The following RBFOX1 variants were observed in gnomAD, a reference collection of about 807,000 sequenced individuals.
The protein encoded by RBFOX1 is RNA binding protein fox-1 homolog 1.
RBFOX1 carries 8 observed loss-of-function variants against 57.7 expected under a neutral mutation model. The ratio of observed to expected loss-of-function variants is 0.14; its 90% CI spans 0.08 to 0.25. The LOEUF (loss-of-function observed/expected upper bound fraction) is 0.25, where lower values mean the gene tolerates loss of function less well. Ranked by LOEUF, RBFOX1 falls within the 10% of genes least tolerant of loss-of-function variation. The pLI is 1.00. For missense variants in RBFOX1, 611 were observed against 548.5 expected (o/e 1.11, Z -1.14); for synonymous variants, 326 against 222.4 (o/e 1.47, Z -4.15).
At chr16:7,460,812 A>C (rs1464403909) in intron 4 of RBFOX1, among the ~76,000 whole-genome samples, 1 of 152,232 alleles carries the variant, frequency 6.6e-6, no homozygotes, top group East Asian at 1.9e-4. Flanking sequence ...GGTTCCCAAA[A>C]CTGCATTTCC....
intron 1 of RBFOX1, among the ~76,000 whole-genome samples, chr16:5,457,685 C>A (rs2151586100): frequency 6.6e-6 from 1 of 152,328 alleles, no homozygotes; most frequent in Middle Eastern, 3.4e-3. Flanking sequence ...TCCAAGAAGC[C>A]TTCCAGGACA....
chr16:7,027,672 G>T (rs1313612003), intron 3 of RBFOX1, among the ~76,000 whole-genome samples: 2 of 152,154 alleles, frequency 1.3e-5, no homozygotes, highest in Admixed American at 1.3e-4. Context: ...AGACATGGCA[G>T]GGAAGGTTTC....
At chr16:6,629,192 T>C (rs559252563) in intron 2 of RBFOX1, among the ~76,000 whole-genome samples, 1 of 152,374 alleles carries the variant, frequency 6.6e-6, no homozygotes, top group East Asian at 1.9e-4. Context: ...TAGCAGAATT[T>C]GTAATTGTGA....
intron 2 of RBFOX1, among the ~76,000 whole-genome samples, chr16:6,503,777 C>T (rs905734176): frequency 6.6e-5 from 10 of 152,186 alleles, no homozygotes; most frequent in Admixed American, 1.3e-4. Context: ...TGATGTCTCG[C>T]GATGGAGGAA....
At chr16:5,552,352 C>G (rs2045498349) in intron 2 of RBFOX1, among the ~76,000 whole-genome samples, 1 of 152,192 alleles carries the variant, frequency 6.6e-6, no homozygotes, top group Non-Finnish European at 1.5e-5. Context: ...GCGCTATTTG[C>G]TCACAATTAT....
chr16:6,352,337 T>C (rs911884395), intron 2 of RBFOX1, among the ~76,000 whole-genome samples: 3 of 152,194 alleles, frequency 2.0e-5, no homozygotes, highest in Non-Finnish European at 4.4e-5. Context: ...TGACCCATCA[T>C]AGATAAACTA....
intron 11 of RBFOX1, among the ~76,000 whole-genome samples, chr16:7,642,189 T>C (rs1016977795): frequency 6.6e-6 from 1 of 152,146 alleles, no homozygotes; most frequent in Admixed American, 6.5e-5. Flanking sequence ...TCCTGGATGG[T>C]AGTTCCTTAG....
intron 4 of RBFOX1, among the ~76,000 whole-genome samples, chr16:7,268,882 C>T (rs538766514): frequency 1.3e-5 from 2 of 151,670 alleles, no homozygotes; most frequent in African/African-American, 4.8e-5. Context: ...ACTAAAAATA[C>T]AAAAATTAGC....
intron 1 of RBFOX1, among the ~76,000 whole-genome samples, chr16:5,412,764 C>A: frequency 6.6e-6 from 1 of 152,220 alleles, no homozygotes; most frequent in East Asian, 1.9e-4. Flanking sequence ...CACAGGGAGG[C>A]TAATCAGCCC....
In RBFOX1 at chr16:6,652,011, C is replaced by T. The variant is rs74653766; in HGVS notation, c.-63-2592C>T. On this transcript the variant is annotated intron_variant, in intron 2 of 15. Transcript: ENST00000550418. ...ATTCCACTTAAGCAAGTGTTAAGTCCTCAATTGTATAACTGTAAAATTCAT... is the reference window on the plus strand; with the variant it reads ...ATTCCACTTAAGCAAGTGTTAAGTCTTCAATTGTATAACTGTAAAATTCAT... Among the ~76,000 whole-genome samples the T allele has an allele frequency of 2.6e-3, 396 of 152,246 alleles. 2 individuals are homozygous for T. Among genetic ancestry groups the T allele is most frequent in the African/African-American group, 8.6e-3 (358 of 41,544 alleles).
At chr16:6,982,069 A>G (rs981908179) in intron 3 of RBFOX1, among the ~76,000 whole-genome samples, 2 of 152,194 alleles carry the variant, frequency 1.3e-5, no homozygotes, top group Non-Finnish European at 1.5e-5. Flanking sequence ...TTCATGATAT[A>G]CTCATGTTGG....
At chr16:7,583,558 A>G (rs1458797443) in intron 6 of RBFOX1, among the ~76,000 whole-genome samples, 1 of 152,240 alleles carries the variant, frequency 6.6e-6, no homozygotes. Context: ...GACTTCTGCT[A>G]CAACAGATGG....
intron 4 of RBFOX1, among the ~76,000 whole-genome samples, chr16:7,222,655 T>G (rs1156504836): frequency 6.6e-6 from 1 of 152,216 alleles, no homozygotes; most frequent in Non-Finnish European, 1.5e-5. Context: ...TTAGCCCCCT[T>G]ACCTCTTTGT....
intron 4 of RBFOX1, among the ~76,000 whole-genome samples, chr16:7,512,257 G>A (rs1274848128): frequency 6.6e-6 from 1 of 152,176 alleles, no homozygotes; most frequent in Non-Finnish European, 1.5e-5. Context: ...CTGTTCGCGT[G>A]CCTAGGATTT....
At chr16:5,972,968 C>T (rs151243460) in intron 4 of RBFOX1, among the ~76,000 whole-genome samples, 16 of 152,228 alleles carry the variant, frequency 1.1e-4, no homozygotes, top group African/African-American at 2.2e-4. Context: ...TGTTGAGTCC[C>T]GTATAGCTAC....
chr16:7,107,948 T>C (rs1265575852), intron 4 of RBFOX1, among the ~76,000 whole-genome samples: 4 of 151,506 alleles, frequency 2.6e-5, no homozygotes, highest in Non-Finnish European at 5.9e-5. Flanking sequence ...TCTCCTTTTC[T>C]TATCTCCATT....
chr16:6,960,901 A>C (rs982568724), intron 3 of RBFOX1, among the ~76,000 whole-genome samples: 1 of 150,504 alleles, frequency 6.6e-6, no homozygotes, highest in African/African-American at 2.4e-5. Context: ...TGGAAGGCCA[A>C]GGTGGGCGGA....
chr16:7,675,137 CACCTGTATCTTTCTGTGA>C (rs1386755618), intron 13 of RBFOX1, among the ~76,000 whole-genome samples: 1 of 152,196 alleles, frequency 6.6e-6, no homozygotes, highest in East Asian at 1.9e-4. Context: ...TGTACCTGCA[CACCTGTATCTTTCTGTGA>C]ACTTTATGAA....
intron 3 of RBFOX1, among the ~76,000 whole-genome samples, chr16:6,909,218 A>G (rs2070895620): frequency 6.6e-6 from 1 of 152,156 alleles, no homozygotes; most frequent in Admixed American, 6.5e-5. Flanking sequence ...CGGTTTCTAG[A>G]GGCCACCCAG....
Sources: allele counts gnomAD v4.1 joint callset (sites outside exome capture counted in the v4.1 genomes callset), GRCh38; gene constraint gnomAD v4.1.1; transcripts MANE v1.5; gene names NCBI Gene and HGNC (gene_info 2026-07-23, HGNC 2026-07-21).